The following ASTN1 variants were observed in gnomAD, a reference collection of about 807,000 sequenced individuals.
ASTN1 encodes the protein astrotactin-1.
In ASTN1, 41 loss-of-function variants were observed where a neutral mutation model predicts 140.7. The ratio of observed to expected loss-of-function variants is 0.29; its 90% CI spans 0.23 to 0.38. The LOEUF (loss-of-function observed/expected upper bound fraction) is 0.38. Ranked by LOEUF, ASTN1 falls within the 10% of genes least tolerant of loss-of-function variation. The pLI is 1.00. For synonymous variants in ASTN1, 640 were observed against 652.2 expected, an observed-to-expected ratio of 0.98 and a Z score of 0.29; for missense variants, 1,479 against 1,678.8, an observed-to-expected ratio of 0.88 and a Z score of 2.08.
At chr1:177,099,813 T>C (rs1026228318) in intron 1 of ASTN1, among the ~76,000 whole-genome samples, 1 of 152,168 alleles carries the variant, frequency 6.6e-6, no homozygotes, top group Non-Finnish European at 1.5e-5. Context: ...AAAAGCTCAA[T>C]GACATCAGAG....
chr1:177,156,042 C>T (rs527332516), intron 1 of ASTN1, among the ~76,000 whole-genome samples: 3 of 151,998 alleles, frequency 2.0e-5, no homozygotes, highest in South Asian at 2.1e-4. Flanking sequence ...GAGGCTGAGG[C>T]GGGCAGATCA....
chr1:177,019,149 G>T (rs1675697912), intron 7 of ASTN1, among the ~76,000 whole-genome samples: 1 of 152,196 alleles, frequency 6.6e-6, no homozygotes, highest in Non-Finnish European at 1.5e-5. Flanking sequence ...GCCTGAGTTT[G>T]AAGTCCAGCT....
intron 2 of ASTN1, among the ~76,000 whole-genome samples, chr1:177,058,498 G>T (rs1005377365): frequency 3.9e-5 from 6 of 152,012 alleles, no homozygotes; most frequent in East Asian, 1.9e-4. Flanking sequence ...TGAAGGAGAG[G>T]TCTCAGAGAT....
At chr1:176,938,600 C>T (rs796221406) in intron 14 of ASTN1, among the ~76,000 whole-genome samples, 51 of 152,316 alleles carry the variant, frequency 3.3e-4, no homozygotes, top group African/African-American at 1.2e-3. Context: ...CTACCTGGCT[C>T]AGGGATCTTT....
chr1:177,086,847 G>A (rs1430933627), intron 1 of ASTN1, among the ~76,000 whole-genome samples: 1 of 152,118 alleles, frequency 6.6e-6, no homozygotes, highest in African/African-American at 2.4e-5. Flanking sequence ...TTGTAATGAA[G>A]AGGAAATAAT....
intron 1 of ASTN1, among the ~76,000 whole-genome samples, chr1:177,079,462 T>C (rs1679075499): frequency 1.3e-5 from 2 of 152,176 alleles, no homozygotes; most frequent in African/African-American, 4.8e-5. Flanking sequence ...TGAGTTGAGG[T>C]TAATTCTTCC....
chr1:176,943,976 A>G lies in ASTN1; in HGVS notation c.2292T>C (p.Asp764=). The part of the protein sequence containing the change: ...FARGLDQQLP[D]GLVVATVPLE... ...GGGGCACAGTGGCCACCACAAGACC[A>G]TCTGGCAGTTGCTGGTCTAAACCAC... The change falls in exon 14 of 23, where the codon GAT becomes GAC. Residue 764 remains aspartate, a synonymous_variant. Transcript: ENST00000361833. 1.2e-6 allele frequency: 2 copies of G among 1,614,144 alleles called. No homozygotes were observed. The highest frequency in any genetic ancestry group is 1.7e-6 in the Non-Finnish European group (2 of 1,180,008).
chr1:177,138,900 G>A (rs1344387339), intron 1 of ASTN1, among the ~76,000 whole-genome samples: 1 of 152,196 alleles, frequency 6.6e-6, no homozygotes, highest in Admixed American at 6.5e-5. Flanking sequence ...GACAACCAAT[G>A]TTCAGGAGCT....
In ASTN1 at chr1:177,032,948, T is replaced by C. The variant is rs992766820; in HGVS notation, c.472-99A>G. The stretch of plus-strand genomic sequence containing the variant: ...GCTACCACCATTCATCACTTATTTA[T>C]GCATTCATTCATTCAGCTGTATTAA... On this transcript the variant is annotated intron_variant, in intron 2 of 22. Transcript: ENST00000361833. 3.7e-6 allele frequency: 5 copies of C among 1,336,722 alleles called. No homozygotes were observed. The African/African-American group carries it at 4.4e-5, about 12-fold the overall frequency. The allele number at this position is 1,336,722 out of a possible 1,614,324, so 82.8% of individuals were successfully genotyped here. A position where few individuals can be genotyped will look rare whatever the true frequency, so the allele number is the denominator to read the frequency against.
chr1:176,913,491 T>C (rs928807714), intron 16 of ASTN1, among the ~76,000 whole-genome samples: 1 of 152,088 alleles, frequency 6.6e-6, no homozygotes, highest in Non-Finnish European at 1.5e-5. Context: ...CTAACAAACA[T>C]GTGATAATAG....
At chr1:176,975,732 G>C (rs950721437) in intron 8 of ASTN1, among the ~76,000 whole-genome samples, 2 of 152,174 alleles carry the variant, frequency 1.3e-5, no homozygotes, top group African/African-American at 4.8e-5. Context: ...AAGCAGAATT[G>C]TTCTCAAACT....
intron 2 of ASTN1, among the ~76,000 whole-genome samples, chr1:177,040,125 C>T (rs1309645697): frequency 6.6e-6 from 1 of 152,224 alleles, no homozygotes; most frequent in Non-Finnish European, 1.5e-5. Flanking sequence ...GAATAGAAAT[C>T]CATTATCCCC....
At chr1:177,056,000 A>G (rs1337235675) in intron 2 of ASTN1, among the ~76,000 whole-genome samples, 1 of 152,162 alleles carries the variant, frequency 6.6e-6, no homozygotes, top group African/African-American at 2.4e-5. Context: ...TCCTCTCTAC[A>G]TTGGAAGCGG....
intron 18 of ASTN1, among the ~76,000 whole-genome samples, chr1:176,885,008 A>G (rs191609929): frequency 3.3e-5 from 5 of 152,326 alleles, no homozygotes; most frequent in Admixed American, 2.6e-4. Flanking sequence ...CCTTCTTGCT[A>G]TGGGAACTAA....
chr1:177,081,011 G>A (rs544671997), intron 1 of ASTN1, among the ~76,000 whole-genome samples: 1 of 152,222 alleles, frequency 6.6e-6, no homozygotes, highest in African/African-American at 2.4e-5. Context: ...ATTGACTCAC[G>A]AGAGAGATAA....
At chr1:177,093,236 C>T (rs1049638296) in intron 1 of ASTN1, among the ~76,000 whole-genome samples, 1 of 152,198 alleles carries the variant, frequency 6.6e-6, no homozygotes, top group Non-Finnish European at 1.5e-5. Flanking sequence ...GACTAGCATT[C>T]TGCCTTCTCC....
At chr1:177,131,408 A>C (rs573308850) in intron 1 of ASTN1, among the ~76,000 whole-genome samples, 1 of 152,336 alleles carries the variant, frequency 6.6e-6, no homozygotes, top group South Asian at 2.1e-4. Context: ...ATATGCTAGA[A>C]TATCATTGTT....
At chr1:177,077,144 G>T (rs1480344235) in intron 1 of ASTN1, among the ~76,000 whole-genome samples, 1 of 152,036 alleles carries the variant, frequency 6.6e-6, no homozygotes, top group Non-Finnish European at 1.5e-5. Flanking sequence ...TGCATGCCGC[G>T]TTCACTTCTG....
chr1:176,939,111 C>CA (rs34775788), intron 14 of ASTN1, among the ~76,000 whole-genome samples: 549 of 131,680 alleles, frequency 4.2e-3, no homozygotes, highest in Middle Eastern at 0.023. Context: ...GACACCATCT[C>CA]AAAAAAAAAA....
Sources: allele counts gnomAD v4.1 joint callset (sites outside exome capture counted in the v4.1 genomes callset), GRCh38; gene constraint gnomAD v4.1.1; transcripts MANE v1.5; gene names NCBI Gene and HGNC (gene_info 2026-07-23, HGNC 2026-07-21).